The following RAVER2 variants were observed in gnomAD, a reference collection of about 807,000 sequenced individuals.
RAVER2 encodes the protein ribonucleoprotein PTB-binding 2.
A neutral mutation model predicts 78.1 loss-of-function variants in RAVER2; 46 were observed. That is an observed-to-expected ratio of 0.59 (90% CI 0.46 to 0.75). RAVER2 has a LOEUF of 0.75. Among genes scored for constraint, RAVER2 ranks in the 30% least tolerant of loss-of-function variants. The probability of loss-of-function intolerance (pLI) is 0.00; values close to 1 mark genes in which losing one functional copy is unlikely to be tolerated. For synonymous variants in RAVER2, 311 were observed against 313.3 expected (o/e 0.99, Z 0.08); for missense variants, 793 against 837.5 (o/e 0.95, Z 0.66).
chr1:64,829,280 A>G (rs1196912420), intron 11 of RAVER2, among the ~76,000 whole-genome samples: 1 of 152,232 alleles, frequency 6.6e-6, no homozygotes, highest in Admixed American at 6.5e-5. Context: ...GAGCAGGAGC[A>G]TCCCAGATCC....
At chr1:64,770,100 C>T (rs1455468569) in intron 2 of RAVER2, among the ~76,000 whole-genome samples, 2 of 151,956 alleles carry the variant, frequency 1.3e-5, no homozygotes, top group African/African-American at 4.8e-5. Flanking sequence ...GGAAGCTTTA[C>T]CTTTCCCAGT....
At chr1:64,806,642 C>T (rs963134896) in intron 8 of RAVER2, among the ~76,000 whole-genome samples, 13 of 152,126 alleles carry the variant, frequency 8.5e-5, no homozygotes, top group African/African-American at 2.9e-4. Context: ...CCAGCTGTGA[C>T]TGATTTCAAG....
intron 11 of RAVER2, among the ~76,000 whole-genome samples, chr1:64,828,556 A>T (rs1001734802): frequency 3.3e-5 from 5 of 151,950 alleles, no homozygotes; most frequent in Non-Finnish European, 4.4e-5. Flanking sequence ...TTCCCCATTC[A>T]CCAGTCCTTA....
rs779641485 is a variant in RAVER2, at chr1:64,745,425, C to T, written c.249+4C>T. On this transcript the variant is annotated splice_donor_region_variant and intron_variant, in intron 1 of 11. Coordinates refer to ENST00000294428, the Ensembl canonical transcript of RAVER2. The surrounding 1 kb of genome is among the most constrained non-coding windows in gnomAD (Gnocchi z 4.3). ...GCCCCAGGACAGCAACTGCCAGGTA[C>T]TGGGACGGTGATAGGGGCGACGCGT... 6 of 1,527,120 alleles carry T rather than the reference C, an allele frequency of 3.9e-6. No individual in the cohort carries two copies. In the South Asian group the frequency reaches 6.0e-5, roughly 15 times the overall value. The allele number at this position is 1,527,120 out of a possible 1,614,324, so 94.6% of individuals were successfully genotyped here. A position where few individuals can be genotyped will look rare whatever the true frequency, so the allele number is the denominator to read the frequency against.
intron 4 of RAVER2, among the ~76,000 whole-genome samples, chr1:64,785,639 G>T (rs1234784541): frequency 1.3e-5 from 2 of 152,086 alleles, no homozygotes; most frequent in African/African-American, 4.8e-5. Context: ...AAAGTGCTGG[G>T]ATTACAGGAG....
intron 11 of RAVER2, among the ~76,000 whole-genome samples, chr1:64,830,303 G>A (rs1021060323): frequency 3.9e-5 from 6 of 152,170 alleles, no homozygotes; most frequent in Admixed American, 6.5e-5. Flanking sequence ...CTCGCCAGGC[G>A]ATTATTGTGG....
chr1:64,810,349 G>A (rs1162508924), intron 9 of RAVER2, among the ~76,000 whole-genome samples: 1 of 152,196 alleles, frequency 6.6e-6, no homozygotes. Flanking sequence ...GAAGGTGCAA[G>A]GTGCCAGCAA....
intron 1 of RAVER2, among the ~76,000 whole-genome samples, chr1:64,763,421 A>G (rs1383650171): frequency 6.6e-6 from 1 of 152,240 alleles, no homozygotes; most frequent in African/African-American, 2.4e-5. Context: ...CAGTAATATC[A>G]TTATAAGTCA....
At chr1:64,825,324 G>C (rs1305415012) in intron 11 of RAVER2, among the ~76,000 whole-genome samples, 1 of 152,186 alleles carries the variant, frequency 6.6e-6, no homozygotes, top group East Asian at 1.9e-4. Flanking sequence ...GATCTCAGGA[G>C]AACTAGTGCA....
chr1:64,786,028 A>G (rs1046617207), intron 4 of RAVER2, among the ~76,000 whole-genome samples: 5 of 152,218 alleles, frequency 3.3e-5, no homozygotes, highest in African/African-American at 4.8e-5. Flanking sequence ...TGTGATACTA[A>G]ATAACTTAGA....
intron 2 of RAVER2, 79 bp downstream of exon 2, chr1:64,768,801 T>C: frequency 1.1e-6 from 1 of 880,592 alleles, no homozygotes; most frequent in Non-Finnish European, 1.8e-6. Flanking sequence ...CTCAGTGTCT[T>C]TTCATGCTTA....
intron 11 of RAVER2, among the ~76,000 whole-genome samples, chr1:64,820,034 T>C (rs1442197198): frequency 6.6e-6 from 1 of 152,164 alleles, no homozygotes; most frequent in African/African-American, 2.4e-5. Context: ...TATATAGATA[T>C]AGTATATTTG....
chr1:64,761,628 A>G (rs915434636), intron 1 of RAVER2, among the ~76,000 whole-genome samples: 1 of 152,216 alleles, frequency 6.6e-6, no homozygotes, highest in African/African-American at 2.4e-5. Context: ...AAATGTTGAC[A>G]GCTTTCTTTC....
At chr1:64,783,574 A>G (rs1195490755) in intron 4 of RAVER2, among the ~76,000 whole-genome samples, 1 of 151,936 alleles carries the variant, frequency 6.6e-6, no homozygotes, top group Non-Finnish European at 1.5e-5. Flanking sequence ...CCCTTTGCCC[A>G]CTTTTTGATG....
At chr1:64,831,669 T>C (rs1282428640) in exon 12 of RAVER2, 1 of 152,162 alleles carries the variant, frequency 6.6e-6, no homozygotes, top group Non-Finnish European at 1.5e-5. Context: ...AATAAAAGGG[T>C]TTGGCAAACT....
At chr1:64,814,941 G>A (rs1653719759) in intron 11 of RAVER2, 101 bp downstream of exon 11, 3 of 1,087,736 alleles carry the variant, frequency 2.8e-6, no homozygotes, top group South Asian at 3.0e-5. Context: ...ATTAACGTAG[G>A]CAAATCAAAT....
chr1:64,766,893 A>T (rs1398678216), intron 1 of RAVER2, among the ~76,000 whole-genome samples: 1 of 152,182 alleles, frequency 6.6e-6, no homozygotes, highest in African/African-American at 2.4e-5. Flanking sequence ...AGAGTACAGT[A>T]GATGTTTTTG....
chr1:64,781,630 T>C (rs1477468519), intron 4 of RAVER2, 59 bp downstream of exon 4: 1 of 1,499,694 alleles, frequency 6.7e-7, no homozygotes, highest in African/African-American at 1.4e-5. Context: ...AATACTATTT[T>C]AATCTATCCA....
In RAVER2 at chr1:64,789,530, G is replaced by A. The variant is rs1176856587; in HGVS notation, c.1105+16G>A. 1.4e-6 allele frequency: 2 copies of A among 1,462,948 alleles called. No homozygotes were observed. Among genetic ancestry groups the A allele is most frequent in the Non-Finnish European group, 1.8e-6 (2 of 1,103,766 alleles). 90.6% of individuals were successfully genotyped at this position (1,462,948 alleles called of 1,614,324 possible). A position where few individuals can be genotyped will look rare whatever the true frequency, so the allele number is the denominator to read the frequency against. The stretch of plus-strand genomic sequence containing the variant: ...GTTAAACCAGGTATGGACCATGTAT[G>A]TATACTGATTAATTAAAGAATGCTA... On this transcript the variant is annotated intron_variant, in intron 5 of 11. Coordinates refer to ENST00000294428, the Ensembl canonical transcript of RAVER2.
Sources: gnomAD v4.1 joint callset for allele counts (sites outside exome capture counted in the v4.1 genomes callset) on GRCh38, gnomAD v4.1.1 for gene constraint, Gnocchi (gnomAD v3.1) non-coding constraint, MANE v1.5 for transcripts, NCBI Gene and HGNC (gene_info 2026-07-23, HGNC 2026-07-21) for gene names.